The following DNAJC8 variants were observed in gnomAD, a reference collection of about 807,000 sequenced individuals.
The protein encoded by DNAJC8 is dnaJ homolog subfamily C member 8.
Under a neutral mutation model 43.2 loss-of-function variants are expected in DNAJC8, and 24 were observed. The ratio of observed to expected loss-of-function variants is 0.56; its 90% CI spans 0.40 to 0.78. The LOEUF (loss-of-function observed/expected upper bound fraction) is 0.78. Among genes scored for constraint, DNAJC8 ranks in the 30% least tolerant of loss-of-function variants. DNAJC8 has a pLI of 0.00. For synonymous variants in DNAJC8, 83 were observed against 98.0 expected (o/e 0.85, Z 0.90); for missense variants, 207 against 299.4 (o/e 0.69, Z 2.28).
intron 6 of DNAJC8, 22 bp downstream of exon 6, chr1:28,208,320 G>C (rs1646784975): frequency 6.3e-7 from 1 of 1,590,154 alleles, no homozygotes; most frequent in East Asian, 2.2e-5. Flanking sequence ...AGATACAGTG[G>C]CTTTTCCTAT....
intron 7 of DNAJC8, among the ~76,000 whole-genome samples, chr1:28,204,742 T>C (rs1344165433): frequency 6.6e-6 from 1 of 151,948 alleles, no homozygotes; most frequent in Non-Finnish European, 1.5e-5. Context: ...ATAAACTCCC[T>C]GGCAGCATGC....
chr1:28,231,995 TCC>T, intron 1 of DNAJC8, among the ~76,000 whole-genome samples: 1 of 152,214 alleles, frequency 6.6e-6, no homozygotes, highest in Admixed American at 6.5e-5. Context: ...GACCTCGTGA[TCC>T]GCCCGTCTCG....
chr1:28,223,812 T>G (rs1331514460), intron 2 of DNAJC8, among the ~76,000 whole-genome samples: 3 of 151,700 alleles, frequency 2.0e-5, no homozygotes, highest in African/African-American at 7.3e-5. Context: ...GGACTGAAAA[T>G]GGATGTTGGG....
chr1:28,207,700 C>T (rs1646779235), intron 6 of DNAJC8, among the ~76,000 whole-genome samples: 1 of 151,516 alleles, frequency 6.6e-6, no homozygotes. Context: ...CCACGGCCTC[C>T]CAAATTTCTG....
chr1:28,229,349 A>G (rs1299541315), intron 1 of DNAJC8, among the ~76,000 whole-genome samples: 1 of 152,216 alleles, frequency 6.6e-6, no homozygotes, highest in Non-Finnish European at 1.5e-5. Context: ...TAACCCCAAC[A>G]GTTTGACCCC....
chr1:28,208,160 C>A (rs1476849018), intron 6 of DNAJC8, among the ~76,000 whole-genome samples, 182 bp downstream of exon 6: 1 of 152,068 alleles, frequency 6.6e-6, no homozygotes, highest in Admixed American at 6.6e-5. Context: ...GAGCCGAGAT[C>A]GCGCCATTGC....
intron 3 of DNAJC8, among the ~76,000 whole-genome samples, chr1:28,212,064 G>A (rs551811438): frequency 1.3e-5 from 2 of 150,474 alleles, no homozygotes; most frequent in African/African-American, 2.4e-5. Flanking sequence ...GCTGAGGCAA[G>A]AGAATCACTT....
chr1:28,205,765 G>C (rs1646764366), intron 6 of DNAJC8, among the ~76,000 whole-genome samples: 1 of 152,152 alleles, frequency 6.6e-6, no homozygotes, highest in African/African-American at 2.4e-5. Context: ...GTGCGTGACT[G>C]TAATCCCAGC....
At chr1:28,203,869 G>T (rs1169471066) in intron 7 of DNAJC8, 47 bp from the exon 8 acceptor site, 1 of 1,581,908 alleles carries the variant, frequency 6.3e-7, no homozygotes, top group East Asian at 2.2e-5. Flanking sequence ...CTTACAGACT[G>T]AATTAACCAT....
At chr1:28,203,088 C>A (rs1213071237) in intron 8 of DNAJC8, among the ~76,000 whole-genome samples, 1 of 152,296 alleles carries the variant, frequency 6.6e-6, no homozygotes, top group Non-Finnish European at 1.5e-5. Flanking sequence ...CAATGCCTAG[C>A]GAGTTGTGTA....
At chr1:28,220,749 A>G (rs1646892972) in intron 2 of DNAJC8, among the ~76,000 whole-genome samples, 1 of 152,210 alleles carries the variant, frequency 6.6e-6, no homozygotes, top group Non-Finnish European at 1.5e-5. Context: ...GAATTTAAGA[A>G]TTACTGTTCT....
chr1:28,230,621 G>A (rs1043999225), intron 1 of DNAJC8, among the ~76,000 whole-genome samples: 3 of 152,142 alleles, frequency 2.0e-5, no homozygotes, highest in African/African-American at 4.8e-5. Flanking sequence ...AACAAAGGTT[G>A]CCATTTGGTT....
rs1357010036 is a variant in DNAJC8, at chr1:28,200,700, T to C, written c.*548A>G. 4.4e-6 allele frequency: 2 copies of C among 454,412 alleles called. No homozygotes were observed. Among genetic ancestry groups the C allele is most frequent in the African/African-American group, 2.0e-5 (1 of 49,996 alleles). The allele number at this position is 454,412 out of a possible 1,614,324, so 28.1% of individuals were successfully genotyped here. On this transcript the variant is annotated 3_prime_UTR_variant, in exon 9 of 9. Transcript: ENST00000263697. The stretch of plus-strand genomic sequence containing the variant: ...GTGGGCCTCATGCCACACTGATTGG[T>C]CAGTAGACAGGGGGCACATGCCAAA...
intron 6 of DNAJC8, among the ~76,000 whole-genome samples, chr1:28,206,999 G>T (rs1404928938): frequency 6.6e-6 from 1 of 151,772 alleles, no homozygotes; most frequent in Non-Finnish European, 1.5e-5. Flanking sequence ...CAGACACTGC[G>T]ATTTTATATT....
chr1:28,228,384 T>C (rs1646952500), intron 2 of DNAJC8, among the ~76,000 whole-genome samples: 6 of 150,886 alleles, frequency 4.0e-5, no homozygotes. Context: ...CCTAAACTTA[T>C]TAGAGCTAGC....
At position 28,227,548 on chromosome 1, in the gene DNAJC8, C is replaced by T. The variant is rs981152184; in HGVS notation, c.180+1374G>A. On this transcript the variant is annotated intron_variant, in intron 2 of 8. Transcript: ENST00000263697. The stretch of plus-strand genomic sequence containing the variant: ...TCAAGGGTGCAGTAAGCCATGATTG[C>T]ACCACTGCACTCTAGCCTGGGTGAC... Among the ~76,000 whole-genome samples, 24 of 151,754 alleles carry T rather than the reference C, an allele frequency of 1.6e-4. 2 individuals are homozygous for T. Among genetic ancestry groups the T allele is most frequent in the Admixed American group, 1.6e-3 (24 of 15,208 alleles).
At chr1:28,223,501 A>G (rs1361522866) in intron 2 of DNAJC8, among the ~76,000 whole-genome samples, 1 of 152,090 alleles carries the variant, frequency 6.6e-6, no homozygotes, top group African/African-American at 2.4e-5. Flanking sequence ...GGGTGAGGAG[A>G]GCATTCAGAG....
At chr1:28,220,616 G>T (rs1326659235) in intron 2 of DNAJC8, among the ~76,000 whole-genome samples, 5 of 152,150 alleles carry the variant, frequency 3.3e-5, no homozygotes, top group African/African-American at 1.2e-4. Context: ...TAATCCAATT[G>T]TGAGGGCAGA....
chr1:28,224,069 C>G (rs1436970301), intron 2 of DNAJC8, among the ~76,000 whole-genome samples: 1 of 152,026 alleles, frequency 6.6e-6, no homozygotes, highest in South Asian at 2.1e-4. Flanking sequence ...GAAAGGTAAC[C>G]CACTGGCCAA....
Sources: gnomAD v4.1 joint callset for allele counts (sites outside exome capture counted in the v4.1 genomes callset) on GRCh38, gnomAD v4.1.1 for gene constraint, MANE v1.5 for transcripts, NCBI Gene and HGNC (gene_info 2026-07-23, HGNC 2026-07-21) for gene names.